CLCN7: variants seen among roughly 807,000 people sequenced by gnomAD.
CLCN7 encodes H(+)/Cl(-) exchange transporter 7.
In CLCN7, 60 loss-of-function variants were observed where a neutral mutation model predicts 102.1. The observed-to-expected ratio is 0.59, with a 90% confidence interval of 0.48 to 0.73. CLCN7 has a LOEUF of 0.73. Ranked by LOEUF, CLCN7 falls within the 30% of genes least tolerant of loss-of-function variation. CLCN7 has a pLI of 0.00. For missense variants in CLCN7, 962 were observed against 1,125.7 expected (o/e 0.85, Z 2.08); for synonymous variants, 560 against 490.5 (o/e 1.14, Z -1.87).
intron 1 of CLCN7, among the ~76,000 whole-genome samples, chr16:1,468,330 C>G (rs570160330): frequency 4.3e-4 from 66 of 152,320 alleles, no homozygotes; most frequent in Non-Finnish European, 6.5e-4. Flanking sequence ...GGGGTTGCCC[C>G]CCAGCAGGGC....
chr16:1,452,821 G>A lies in CLCN7; in HGVS notation c.1287C>T (p.Phe429=), dbSNP rs1261855596. ...LVAAVTATVA[F]VLIYSSRDCQ... is the part of the protein sequence containing the mutation. Reference sequence around the variant, plus strand: ...AATCCCGCGACGAGTAGATCAGCACGAAGGCAACTGTGGCCGTGACGGCGG... The same window carrying A: ...AATCCCGCGACGAGTAGATCAGCACAAAGGCAACTGTGGCCGTGACGGCGG... Residue 429 remains phenylalanine (F), a synonymous_variant, in exon 15 of 25, where the codon TTC becomes TTT. Transcript: ENST00000382745. 16 of 1,602,896 alleles carry A rather than the reference G, an allele frequency of 1.0e-5. No individual in the cohort carries two copies. In the East Asian group the frequency reaches 1.8e-4, roughly 18 times the overall value.
chr16:1,457,242 A>T lies in CLCN7; in HGVS notation c.822+12T>A. 2.5e-6 allele frequency: 4 copies of T among 1,613,518 alleles called. No homozygotes were observed. Among genetic ancestry groups the T allele is most frequent in the Non-Finnish European group, 3.4e-6 (4 of 1,179,614 alleles). On this transcript the variant is annotated intron_variant, in intron 9 of 24. Coordinates refer to ENST00000382745, the MANE Select transcript of CLCN7 (RefSeq NM_001287.6). This position sits in a 1 kb window ranked among gnomAD's most constrained non-coding sequence, Gnocchi z 5.4. ...GGCATCTGGAGCCCACCCACACAAG[A>T]TTTCAACTCACCTTGAAATCTCGTT...
rs778642605 is a variant in CLCN7, at chr16:1,452,857, G to T, written c.1251C>A (p.Ala417=). 2 of 1,580,000 alleles carry T rather than the reference G, an allele frequency of 1.3e-6. No individual in the cohort carries two copies. The highest frequency in any genetic ancestry group is 1.4e-5 in the African/African-American group (1 of 74,072). ...TGGCCGTGACGGCGGCCACCAGCAC[G>T]GCCTCAATCACCTGCAGGCAGGGCC... ...IHRPCLQVIE[A]VLVAAVTATV... is the part of the protein sequence containing the mutation. Residue 417 remains alanine (A), a synonymous_variant, in exon 15 of 25, where the codon GCC becomes GCA. Coordinates refer to ENST00000382745, the MANE Select transcript of CLCN7 (RefSeq NM_001287.6).
Position 1,459,476 on chromosome 16 carries a change from CAGGGA to C in CLCN7, c.595-294_595-290del, listed in dbSNP as rs1567271481. On this transcript the variant is annotated intron_variant, in intron 6 of 24. Coordinates refer to ENST00000382745, the MANE Select transcript of CLCN7 (RefSeq NM_001287.6). ...GAGAGCAGCACACGCGTCGGGGCCTCAGGGAAGGGGAGAGCAGCACACATGTCGGG... is the reference window on the plus strand; with the variant it reads ...GAGAGCAGCACACGCGTCGGGGCCTCAGGGGAGAGCAGCACACATGTCGGG... 2 of 362,894 alleles carry C rather than the reference CAGGGA, an allele frequency of 5.5e-6. 1 individual carries two copies. The allele number at this position is 362,894 out of a possible 1,614,324, so 22.5% of individuals were successfully genotyped here. A position where few individuals can be genotyped will look rare whatever the true frequency, so the allele number is the denominator to read the frequency against.
intron 2 of CLCN7, 69 bp downstream of exon 2, chr16:1,465,198 C>A: frequency 6.8e-7 from 1 of 1,481,130 alleles, no homozygotes; most frequent in Non-Finnish European, 9.4e-7. Flanking sequence ...TCGGCCCGTG[C>A]CCATCCCTGT....
intron 5 of CLCN7, 110 bp from the exon 6 acceptor site, chr16:1,460,637 CATG>C: frequency 7.9e-7 from 1 of 1,257,868 alleles, no homozygotes; most frequent in Non-Finnish European, 1.1e-6. Context: ...TGGGTGGAGC[CATG>C]ATGTTCACTG....
intron 4 of CLCN7, 67 bp downstream of exon 4, chr16:1,461,338 A>AGCCCCAGGCCCGGCCG (rs2038932510): frequency 7.2e-7 from 1 of 1,380,234 alleles, no homozygotes; most frequent in Non-Finnish European, 1.0e-6. Context: ...GCAGAAGAGC[A>AGCCCCAGGCCCGGCCG]GCCCCAGGCC....
intron 2 of CLCN7, among the ~76,000 whole-genome samples, chr16:1,461,877 G>A (rs2038943404): frequency 6.6e-6 from 1 of 152,080 alleles, no homozygotes; most frequent in Non-Finnish European, 1.5e-5. Flanking sequence ...CTGCGGTCAG[G>A]AGTTCGAGAC....
intron 1 of CLCN7, among the ~76,000 whole-genome samples, chr16:1,473,620 G>T (rs952939424): frequency 3.3e-5 from 5 of 150,634 alleles, no homozygotes; most frequent in African/African-American, 1.2e-4. Context: ...TGATCCACCC[G>T]CCTCGGCCTC....
chr16:1,448,302 T>C (rs1284847592), intron 21 of CLCN7, 53 bp downstream of exon 21: 6 of 1,604,356 alleles, frequency 3.7e-6, no homozygotes, highest in Admixed American at 3.3e-5. Context: ...TTCCCACCAA[T>C]GGACTCGACA....
intron 17 of CLCN7, chr16:1,450,206 A>G (rs2038722241): frequency 1.5e-5 from 7 of 475,724 alleles, no homozygotes; most frequent in South Asian, 1.4e-4. Context: ...GCAGCAGCCC[A>G]CAATCACCTC....
intron 1 of CLCN7, among the ~76,000 whole-genome samples, chr16:1,473,241 A>G (rs2039101898): frequency 6.6e-6 from 1 of 152,038 alleles, no homozygotes; most frequent in South Asian, 2.1e-4. Flanking sequence ...CTTCAAAGGG[A>G]GCTGAGCTGC....
chr16:1,452,929 C>A (rs762226788), intron 14 of CLCN7, 36 bp from the exon 15 acceptor site: 3 of 1,554,304 alleles, frequency 1.9e-6, no homozygotes, highest in Non-Finnish European at 2.6e-6. Context: ...GCAGGCAGGA[C>A]GGCAGCGCGG....
chr16:1,465,183 G>C, intron 2 of CLCN7, 84 bp downstream of exon 2: 1 of 1,364,780 alleles, frequency 7.3e-7, no homozygotes, highest in South Asian at 1.2e-5. Context: ...CTATCTCCCT[G>C]CCGCTCGGCC....
intron 16 of CLCN7, 67 bp from the exon 17 acceptor site, chr16:1,450,733 T>G: frequency 8.2e-7 from 1 of 1,222,310 alleles, no homozygotes; most frequent in Non-Finnish European, 1.1e-6. Flanking sequence ...CCTGCCCCGC[T>G]GCCCAGTCTC....
rs12164970 is a variant in CLCN7 at position 1,459,364 on chromosome 16, A to G, written c.595-177T>C. The stretch of plus-strand genomic sequence containing the variant: ...GGAAGGGAAGAGCAGCACACACGTC[A>G]GGGCCCCAGGGAAGGGGAGAGCAGC... On this transcript the variant is annotated intron_variant, in intron 6 of 24. Transcript: ENST00000382745. The G allele has an allele frequency of 0.57, 262,734 of 460,794 alleles. 76,419 individuals are homozygous for G. Among genetic ancestry groups the G allele is most frequent in the African/African-American group, 0.7 (29,133 of 41,908 alleles). 28.5% of individuals were successfully genotyped at this position (460,794 alleles called of 1,614,324 possible).
At chr16:1,451,917 G>A (rs2038757895) in intron 15 of CLCN7, 4 of 600,152 alleles carry the variant, frequency 6.7e-6, no homozygotes, top group South Asian at 5.3e-5. Flanking sequence ...TGGTCACGGA[G>A]GGAAAGGAGG....
chr16:1,448,993 G>C lies in CLCN7; in HGVS notation c.1770C>G (p.Ala590=), dbSNP rs1211319920. The change falls in exon 19 of 25, where the codon GCC becomes GCG. Residue 590 remains alanine (A), a synonymous_variant. Transcript: ENST00000382745. ...GFPIMLVLMT[A]KIVGDVFIEG... ...CAATGAAGACGTCGCCCACGATCTTGGCGGTCATGAGCACCAGCATGATGG... is the reference window on the plus strand; with the variant it reads ...CAATGAAGACGTCGCCCACGATCTTCGCGGTCATGAGCACCAGCATGATGG... The C allele has an allele frequency of 5.6e-6, 9 of 1,612,664 alleles. No individual in the cohort carries two copies. Among genetic ancestry groups the C allele is most frequent in the African/African-American group, 1.3e-5 (1 of 74,910 alleles).
Position 1,465,086 on chromosome 16 carries a change from C to T in CLCN7, c.213+181G>A, listed in dbSNP as rs2038986566. Among the ~76,000 whole-genome samples, 3 of 152,228 alleles carry T rather than the reference C, an allele frequency of 2.0e-5. No individual in the cohort carries two copies. In the South Asian group the frequency reaches 6.2e-4, roughly 31 times the overall value. ...CCCTGCACTCCTCCGTCTGAGAGCACTTCTGCCCAGCTGCCTCTGCTCACT... is the reference window on the plus strand; with the variant it reads ...CCCTGCACTCCTCCGTCTGAGAGCATTTCTGCCCAGCTGCCTCTGCTCACT... On this transcript the variant is annotated intron_variant, in intron 2 of 24. Coordinates refer to ENST00000382745, the MANE Select transcript of CLCN7 (RefSeq NM_001287.6).
Sources: gnomAD v4.1 joint callset for allele counts (sites outside exome capture counted in the v4.1 genomes callset) on GRCh38, gnomAD v4.1.1 for gene constraint, Gnocchi (gnomAD v3.1) non-coding constraint, MANE v1.5 for transcripts, NCBI Gene and HGNC (gene_info 2026-07-23, HGNC 2026-07-21) for gene names.